The following TUBA1C variants were observed in gnomAD, a reference collection of about 807,000 sequenced individuals.
The protein encoded by TUBA1C is tubulin alpha-1C chain.
A neutral mutation model predicts 34.9 loss-of-function variants in TUBA1C; 16 were observed. The observed-to-expected ratio is 0.46, with a 90% CI of 0.31 to 0.70. The LOEUF (loss-of-function observed/expected upper bound fraction) is 0.70, where lower values mean the gene tolerates loss of function less well. TUBA1C is among the 30% of genes least tolerant of loss of function. TUBA1C has a pLI of 0.05. For synonymous variants in TUBA1C, 177 were observed against 215.9 expected (o/e 0.82, Z 1.58); for missense variants, 329 against 587.3 (o/e 0.56, Z 4.55).
intron 1 of TUBA1C, among the ~76,000 whole-genome samples, chr12:49,254,424 T>C (rs539879688): frequency 2.8e-4 from 41 of 145,890 alleles, no homozygotes; most frequent in South Asian, 1.7e-3. Context: ...AGCTGCATCA[T>C]TGAACCGAGA....
intron 1 of TUBA1C, among the ~76,000 whole-genome samples, chr12:49,230,732 T>C (rs1942487821): frequency 6.6e-6 from 1 of 152,182 alleles, no homozygotes; most frequent in East Asian, 1.9e-4. Flanking sequence ...AGATATTAGG[T>C]TGCAAGGCTC....
intron 1 of TUBA1C, among the ~76,000 whole-genome samples, chr12:49,243,882 G>T (rs1259351475): frequency 6.6e-6 from 1 of 152,138 alleles, no homozygotes; most frequent in African/African-American, 2.4e-5. Flanking sequence ...AGGCATGGTG[G>T]CTCGTGCCTA....
intron 1 of TUBA1C, among the ~76,000 whole-genome samples, chr12:49,241,810 C>T (rs1387620021): frequency 4.0e-5 from 6 of 151,078 alleles, no homozygotes; most frequent in Non-Finnish European, 7.4e-5. Flanking sequence ...CCGACACGCC[C>T]GGCTAATTTT....
intron 1 of TUBA1C, among the ~76,000 whole-genome samples, chr12:49,242,792 T>A (rs1942630893): frequency 6.6e-6 from 1 of 152,042 alleles, no homozygotes; most frequent in Non-Finnish European, 1.5e-5. Context: ...CTGGCTCATC[T>A]GTGACTTCTA....
chr12:49,259,275 C>T (rs1942819430), intron 1 of TUBA1C, among the ~76,000 whole-genome samples: 1 of 151,840 alleles, frequency 6.6e-6, no homozygotes, highest in Non-Finnish European at 1.5e-5. Context: ...CTGTGTCGCC[C>T]AGGCTGGAAT....
exon 1 of TUBA1C, chr12:49,228,006 T>G (rs1393442593): frequency 2.6e-6 from 4 of 1,535,608 alleles, no homozygotes; most frequent in Non-Finnish European, 3.5e-6. Flanking sequence ...GAGTGCTTTG[T>G]GTGCTTGGAA....
At chr12:49,269,740 T>A (rs1308483893) in intron 2 of TUBA1C, 53 bp downstream of exon 2, 1 of 1,612,368 alleles carries the variant, frequency 6.2e-7, no homozygotes, top group Non-Finnish European at 8.5e-7. Context: ...GGACAGGAGG[T>A]CTGTCCTGGG....
In TUBA1C at chr12:49,269,545, C is replaced by G. The variant is rs576580429; in HGVS notation, c.84C>G (p.His28Gln). The change falls in exon 2 of 4, where the codon CAC (histidine) becomes CAG (glutamine). Residue 28 changes from histidine to glutamine, a missense_variant. His to Gln is a conservative substitution (Grantham distance 24). This residue lies in a region of TUBA1C where 152 missense variants were observed against 240.3 expected (regional missense o/e 0.63). Coordinates refer to ENST00000301072, the MANE Select transcript of TUBA1C (RefSeq NM_032704.5). ...NACWELYCLE[H>Q]GIQPDGQMPS... ...GCTGGGAGCTCTACTGCCTGGAACA[C>G]GGCATCCAGCCCGATGGCCAGATGC... The G allele has an allele frequency of 6.2e-7, 1 of 1,614,222 alleles. No homozygotes were observed. The highest frequency in any genetic ancestry group is 1.1e-5 in the South Asian group (1 of 91,084).
intron 1 of TUBA1C, chr12:49,233,153 C>G (rs1358265493): frequency 2.0e-5 from 3 of 152,298 alleles, no homozygotes; most frequent in Non-Finnish European, 2.9e-5. Context: ...AAAGCTGTGT[C>G]CTTGCGATTA....
At chr12:49,236,381 T>C (rs1942555422) in intron 1 of TUBA1C, among the ~76,000 whole-genome samples, 1 of 152,166 alleles carries the variant, frequency 6.6e-6, no homozygotes, top group Non-Finnish European at 1.5e-5. Context: ...CGGAAAAATA[T>C]GGTATGAGGG....
chr12:49,265,976 A>AAC (rs1472305867), intron 1 of TUBA1C, among the ~76,000 whole-genome samples: 27 of 148,576 alleles, frequency 1.8e-4, no homozygotes, highest in African/African-American at 6.8e-4. Context: ...AAAAAAACAA[A>AAC]AAAAAACGCT....
At chr12:49,271,166 G>A (rs756985804) in intron 3 of TUBA1C, among the ~76,000 whole-genome samples, 1 of 152,198 alleles carries the variant, frequency 6.6e-6, no homozygotes. Context: ...CTTAACTGGT[G>A]TAATTGGTAG....
upstream of TUBA1C, among the ~76,000 whole-genome samples, chr12:49,262,320 G>A (rs1316214158): frequency 6.7e-6 from 1 of 149,526 alleles, no homozygotes; most frequent in East Asian, 2.0e-4. Flanking sequence ...GGGAGGCTGA[G>A]GCAAGAGGAT....
intron 1 of TUBA1C, among the ~76,000 whole-genome samples, chr12:49,254,047 T>TA (rs1454217576): frequency 6.6e-6 from 1 of 152,032 alleles, no homozygotes; most frequent in Admixed American, 6.6e-5. Flanking sequence ...TGCGGTGACT[T>TA]ACGCCTGTAA....
At chr12:49,228,054 T>G (rs1488743555) in exon 1 of TUBA1C, 1 of 1,535,732 alleles carries the variant, frequency 6.5e-7, no homozygotes, top group East Asian at 2.4e-5. Flanking sequence ...AATGCAAAAC[T>G]GTACATCTCT....
chr12:49,251,941 A>G (rs1942736401), intron 1 of TUBA1C, among the ~76,000 whole-genome samples: 1 of 152,208 alleles, frequency 6.6e-6, no homozygotes, highest in Non-Finnish European at 1.5e-5. Flanking sequence ...GACAAAATCC[A>G]ACCCATTCAT....
At chr12:49,262,407 A>T (rs1420817870), upstream of TUBA1C, among the ~76,000 whole-genome samples, 1 of 146,666 alleles carries the variant, frequency 6.8e-6, no homozygotes, top group African/African-American at 2.6e-5. Context: ...TGTAAAAAAA[A>T]AAAAAAAAAA....
chr12:49,256,943 G>A (rs1942790008), intron 1 of TUBA1C, among the ~76,000 whole-genome samples: 1 of 152,140 alleles, frequency 6.6e-6, no homozygotes, highest in Non-Finnish European at 1.5e-5. Context: ...ACTTTGGGAG[G>A]CTGAGGCGGG....
At chr12:49,263,172 C>T (rs933803181), upstream of TUBA1C, among the ~76,000 whole-genome samples, 2 of 151,938 alleles carry the variant, frequency 1.3e-5, no homozygotes, top group Admixed American at 6.6e-5. Context: ...AGGTGTGCAC[C>T]ACCATGCTCG....
Sources: gnomAD v4.1 joint callset for allele counts (sites outside exome capture counted in the v4.1 genomes callset) on GRCh38, gnomAD v4.1.1 for gene constraint, gnomAD v4.1.1 regional missense constraint, MANE v1.5 for transcripts, NCBI Gene and HGNC (gene_info 2026-07-23, HGNC 2026-07-21) for gene names.